GLRA3: variants seen among roughly 807,000 people sequenced by gnomAD.
The protein encoded by GLRA3 is glycine receptor subunit alpha-3.
Under a neutral mutation model 60.4 loss-of-function variants are expected in GLRA3, and 44 were observed. That is an observed-to-expected ratio of 0.73 (90% confidence interval 0.57 to 0.94). GLRA3 has a LOEUF of 0.94. Ranked by LOEUF, GLRA3 falls within the 40% of genes least tolerant of loss-of-function variation. The probability of loss-of-function intolerance (pLI) is 0.00; values close to 1 mark genes in which losing one functional copy is unlikely to be tolerated. For missense variants in GLRA3, 508 were observed against 564.6 expected (o/e 0.90, Z 1.02); for synonymous variants, 223 against 192.9 (o/e 1.16, Z -1.29).
chr4:174,730,551 A>G (rs1022841952), intron 3 of GLRA3, among the ~76,000 whole-genome samples: 1 of 152,190 alleles, frequency 6.6e-6, no homozygotes, highest in African/African-American at 2.4e-5. Flanking sequence ...CACCACACTT[A>G]GGCTAAAATA....
chr4:174,707,392 G>A (rs1269369992), intron 5 of GLRA3, among the ~76,000 whole-genome samples: 1 of 152,112 alleles, frequency 6.6e-6, no homozygotes, highest in Non-Finnish European at 1.5e-5. Flanking sequence ...AACATGGATG[G>A]GGGACATAGA....
chr4:174,769,388 G>A (rs996004504), intron 2 of GLRA3, among the ~76,000 whole-genome samples: 14 of 152,010 alleles, frequency 9.2e-5, no homozygotes, highest in Non-Finnish European at 1.9e-4. Context: ...AATAGAATAT[G>A]TTATGCTTAC....
intron 5 of GLRA3, among the ~76,000 whole-genome samples, chr4:174,690,628 T>C (rs1734758474): frequency 6.6e-6 from 1 of 152,182 alleles, no homozygotes; most frequent in Non-Finnish European, 1.5e-5. Flanking sequence ...CAGTATCCAA[T>C]AGTTGTCTTT....
chr4:174,784,330 G>C (rs529994555), intron 2 of GLRA3, among the ~76,000 whole-genome samples: 1 of 140,398 alleles, frequency 7.1e-6, no homozygotes, highest in African/African-American at 2.7e-5. Flanking sequence ...GGTGCGGGGA[G>C]GGGGGAGGGA....
intron 1 of GLRA3, among the ~76,000 whole-genome samples, chr4:174,819,772 T>C (rs961649117): frequency 1.3e-5 from 2 of 152,190 alleles, no homozygotes; most frequent in South Asian, 4.1e-4. Flanking sequence ...TACATCTATC[T>C]AGAGAATTGG....
At chr4:174,828,041 C>T (rs1741048749) in intron 1 of GLRA3, among the ~76,000 whole-genome samples, 1 of 152,038 alleles carries the variant, frequency 6.6e-6, no homozygotes, top group African/African-American at 2.4e-5. Context: ...CTCTCTTATA[C>T]TCTTTAAATT....
chr4:174,726,084 T>A (rs1389261345), intron 4 of GLRA3, among the ~76,000 whole-genome samples: 2 of 152,222 alleles, frequency 1.3e-5, no homozygotes, highest in Non-Finnish European at 2.9e-5. Context: ...GGTGTAAGCA[T>A]GATGTCCACT....
chr4:174,802,244 G>A (rs1192186035), intron 1 of GLRA3, among the ~76,000 whole-genome samples: 1 of 151,896 alleles, frequency 6.6e-6, no homozygotes, highest in African/African-American at 2.4e-5. Context: ...TTCCCATAGA[G>A]CTGATGTTTA....
chr4:174,810,840 T>G (rs1579644645), intron 1 of GLRA3, among the ~76,000 whole-genome samples: 1 of 152,110 alleles, frequency 6.6e-6, no homozygotes, highest in Non-Finnish European at 1.5e-5. Context: ...TTCAGGGAAA[T>G]AGTTTGTCAA....
chr4:174,793,352 A>G (rs1401620248), intron 1 of GLRA3, among the ~76,000 whole-genome samples: 1 of 152,014 alleles, frequency 6.6e-6, no homozygotes, highest in African/African-American at 2.4e-5. Flanking sequence ...TATCAACTGC[A>G]TACCATGATA....
At chr4:174,658,453 G>A (rs1332566472) in intron 8 of GLRA3, among the ~76,000 whole-genome samples, 1 of 151,990 alleles carries the variant, frequency 6.6e-6, no homozygotes, top group African/African-American at 2.4e-5. Context: ...AACTTCCTAC[G>A]GTGTCTTCAT....
At chr4:174,757,538 A>G (rs978587452) in intron 3 of GLRA3, among the ~76,000 whole-genome samples, 16 of 152,242 alleles carry the variant, frequency 1.1e-4, no homozygotes, top group African/African-American at 3.4e-4. Flanking sequence ...GAGACACAGA[A>G]GCTAAGGGAA....
At chr4:174,701,700 C>G (rs998279096) in intron 5 of GLRA3, among the ~76,000 whole-genome samples, 1 of 152,090 alleles carries the variant, frequency 6.6e-6, no homozygotes, top group Admixed American at 6.6e-5. Flanking sequence ...GTTGTAATAT[C>G]AACATTAACA....
intron 1 of GLRA3, among the ~76,000 whole-genome samples, chr4:174,796,313 T>G (rs1472592177): frequency 6.6e-6 from 1 of 152,090 alleles, no homozygotes; most frequent in Admixed American, 6.6e-5. Flanking sequence ...GAGAAATAAA[T>G]TGTGTTGTGT....
intron 3 of GLRA3, among the ~76,000 whole-genome samples, chr4:174,740,443 G>A (rs1736973376): frequency 6.6e-6 from 1 of 152,136 alleles, no homozygotes; most frequent in Non-Finnish European, 1.5e-5. Context: ...CAAGACACTA[G>A]GCATATGAAT....
At position 174,726,742 on chromosome 4, in the gene GLRA3, C is replaced by G. The variant is rs183159277; in HGVS notation, c.491+1733G>C. ...CCTAAGTTTGTTATACATACTGTGT[C>G]CAGGTTTTTTAGTTGTACTTAGCAG... On this transcript the variant is annotated intron_variant, in intron 4 of 9. Transcript: ENST00000274093. 1.5e-3 allele frequency among the ~76,000 whole-genome samples: 234 copies of G among 152,152 alleles called. 1 individual carries two copies. Among genetic ancestry groups the G allele is most frequent in the African/African-American group, 5.4e-3 (224 of 41,498 alleles).
chr4:174,722,389 A>C (rs1736163896), intron 4 of GLRA3, among the ~76,000 whole-genome samples: 1 of 152,186 alleles, frequency 6.6e-6, no homozygotes, highest in Non-Finnish European at 1.5e-5. Context: ...TACTCCTCTT[A>C]GATCTCTTCT....
intron 1 of GLRA3, among the ~76,000 whole-genome samples, chr4:174,815,333 G>A (rs532394496): frequency 2.0e-5 from 3 of 152,158 alleles, no homozygotes; most frequent in Non-Finnish European, 2.9e-5. Flanking sequence ...AGCTTTTCCA[G>A]GTGCTCAGAG....
At chr4:174,687,943 A>T (rs1324433296) in intron 5 of GLRA3, among the ~76,000 whole-genome samples, 2 of 152,206 alleles carry the variant, frequency 1.3e-5, no homozygotes, top group East Asian at 3.9e-4. Flanking sequence ...CCAATTCCAC[A>T]TTGCAATTAA....
Sources: gnomAD v4.1 joint callset for allele counts (sites outside exome capture counted in the v4.1 genomes callset) on GRCh38, gnomAD v4.1.1 for gene constraint, MANE v1.5 for transcripts, NCBI Gene and HGNC (gene_info 2026-07-23, HGNC 2026-07-21) for gene names.